The following SYNPR variants were observed in gnomAD, a reference collection of about 807,000 sequenced individuals.
SYNPR encodes the protein synaptoporin.
In SYNPR, 23 loss-of-function variants were observed where a neutral mutation model predicts 32.9. The ratio of observed to expected loss-of-function variants is 0.70; its 90% CI spans 0.50 to 0.99. The LOEUF is 0.99. Ranked by LOEUF, SYNPR falls within the 50% of genes least tolerant of loss-of-function variation. The pLI is 0.00. For missense variants in SYNPR, 318 were observed against 349.3 expected, an observed-to-expected ratio of 0.91 and a Z score of 0.71; for synonymous variants, 146 against 135.9, an observed-to-expected ratio of 1.07 and a Z score of -0.52.
At chr3:63,309,079 C>T (rs1220755117) in intron 2 of SYNPR, among the ~76,000 whole-genome samples, 3 of 151,852 alleles carry the variant, frequency 2.0e-5, no homozygotes, top group Non-Finnish European at 1.5e-5. Context: ...GTTTCCTTTG[C>T]TATGTTTTCA....
chr3:63,209,474 G>T, the SYNPR span, among the ~76,000 whole-genome samples: 3 of 152,032 alleles, frequency 2.0e-5, no homozygotes, highest in Non-Finnish European at 4.4e-5. Flanking sequence ...TGAACAGTCT[G>T]GGGGGGTTAA....
intron 3 of SYNPR, among the ~76,000 whole-genome samples, chr3:63,527,608 C>CTA (rs1280836992): frequency 2.0e-5 from 3 of 152,178 alleles, no homozygotes; most frequent in African/African-American, 7.2e-5. Flanking sequence ...ATCAAGAGTC[C>CTA]AGGCCAAGCA....
intron 5 of SYNPR, among the ~76,000 whole-genome samples, chr3:63,614,302 C>T (rs1045994205): frequency 1.3e-5 from 2 of 152,194 alleles, no homozygotes; most frequent in Non-Finnish European, 2.9e-5. Context: ...ATCAACCAGC[C>T]TTGGAAAAGG....
At chr3:63,447,114 C>T (rs1451314) in intron 2 of SYNPR, among the ~76,000 whole-genome samples, 60,620 of 151,904 alleles carry the variant, frequency 0.4, 12,397 homozygotes, top group African/African-American at 0.51. Flanking sequence ...TTTGCTTTTT[C>T]CAACAGCATT....
upstream of SYNPR, among the ~76,000 whole-genome samples, chr3:63,277,144 T>C (rs1019021830): frequency 6.6e-6 from 1 of 152,126 alleles, no homozygotes; most frequent in Admixed American, 6.5e-5. Flanking sequence ...TTTCTGATTT[T>C]AAAAAAATCA....
chr3:63,435,963 G>A (rs1164804849), intron 2 of SYNPR, among the ~76,000 whole-genome samples: 1 of 152,144 alleles, frequency 6.6e-6, no homozygotes, highest in African/African-American at 2.4e-5. Flanking sequence ...AAGATTCTAA[G>A]TTCCTTTCAG....
intron 2 of SYNPR, among the ~76,000 whole-genome samples, chr3:63,349,565 A>C (rs2087479000): frequency 6.6e-6 from 1 of 152,104 alleles, no homozygotes; most frequent in Non-Finnish European, 1.5e-5. Context: ...TTGTTTTTGT[A>C]GCTATTGTAA....
intron 3 of SYNPR, among the ~76,000 whole-genome samples, chr3:63,510,036 C>T (rs1701667367): frequency 6.6e-6 from 1 of 151,910 alleles, no homozygotes; most frequent in African/African-American, 2.4e-5. Context: ...CCATTATAGA[C>T]ACAGCGGTAC....
Position 63,531,757 on chromosome 3 carries a change from G to C in SYNPR, c.210-24786G>C, listed in dbSNP as rs545849523. Among the ~76,000 whole-genome samples, 30 of 152,260 alleles carry C rather than the reference G, an allele frequency of 2.0e-4. No homozygotes were observed. The South Asian group carries it at 6.0e-3, about 30-fold the overall frequency. On this transcript the variant is annotated intron_variant, in intron 3 of 5. Coordinates refer to ENST00000478300, the MANE Select transcript of SYNPR (RefSeq NM_001130003.2). ...AGCCCTGGGAACAAATGAGGATCCA[G>C]AGACCCTCTACCTTTTCCATATTTA...
chr3:63,396,029 CTAA>C (rs1251442582), intron 2 of SYNPR, among the ~76,000 whole-genome samples: 1 of 152,140 alleles, frequency 6.6e-6, no homozygotes, highest in Non-Finnish European at 1.5e-5. Flanking sequence ...TAGCTATTAC[CTAA>C]TAATAACCAC....
intron 3 of SYNPR, among the ~76,000 whole-genome samples, chr3:63,494,450 C>G (rs57625229): frequency 1.2e-5 from 1 of 86,804 alleles, no homozygotes; most frequent in East Asian, 3.5e-4. Flanking sequence ...TATATATACA[C>G]ATATATATAC....
At chr3:63,442,826 G>A (rs2107162304) in intron 2 of SYNPR, among the ~76,000 whole-genome samples, 1 of 152,228 alleles carries the variant, frequency 6.6e-6, no homozygotes, top group Middle Eastern at 3.4e-3. Context: ...TGGGGATTAT[G>A]CATAACAGCT....
chr3:63,518,843 A>G (rs1701849688), intron 3 of SYNPR, among the ~76,000 whole-genome samples: 1 of 152,206 alleles, frequency 6.6e-6, no homozygotes, highest in East Asian at 1.9e-4. Context: ...CCCAAGGAAT[A>G]TAAATTATTC....
chr3:63,460,798 T>C (rs1700570765), intron 2 of SYNPR, among the ~76,000 whole-genome samples: 1 of 151,976 alleles, frequency 6.6e-6, no homozygotes, highest in South Asian at 2.1e-4. Context: ...GTCAGACTTG[T>C]ATTCTGGAAA....
chr3:63,308,843 A>T (rs965072347), intron 2 of SYNPR, among the ~76,000 whole-genome samples: 2 of 151,870 alleles, frequency 1.3e-5, no homozygotes, highest in African/African-American at 4.8e-5. Flanking sequence ...TCCTTGATCC[A>T]TAGAATTATA....
intron 3 of SYNPR, among the ~76,000 whole-genome samples, chr3:63,546,587 T>A (rs1163212342): frequency 6.6e-6 from 1 of 152,106 alleles, no homozygotes; most frequent in Non-Finnish European, 1.5e-5. Flanking sequence ...TAATCTTGAT[T>A]GCATTTTCCA....
chr3:63,401,608 T>G (rs372615820), intron 2 of SYNPR, among the ~76,000 whole-genome samples: 2 of 152,170 alleles, frequency 1.3e-5, no homozygotes, highest in Non-Finnish European at 2.9e-5. Context: ...TTAGCTGAAC[T>G]TTTTAGAGTC....
intron 2 of SYNPR, among the ~76,000 whole-genome samples, chr3:63,343,014 T>C (rs1007314967): frequency 1.3e-5 from 2 of 152,272 alleles, no homozygotes; most frequent in Non-Finnish European, 1.5e-5. Flanking sequence ...GGAGGTGATA[T>C]GTGAGCTAAG....
chr3:63,321,325 T>G (rs372605521), intron 2 of SYNPR, among the ~76,000 whole-genome samples: 1 of 152,088 alleles, frequency 6.6e-6, no homozygotes, highest in Non-Finnish European at 1.5e-5. Context: ...AACATGTGGA[T>G]ACTGGAGAAA....
Sources: allele counts gnomAD v4.1 joint callset (sites outside exome capture counted in the v4.1 genomes callset), GRCh38; gene constraint gnomAD v4.1.1; transcripts MANE v1.5; gene names NCBI Gene and HGNC (gene_info 2026-07-23, HGNC 2026-07-21).